Variants in SLIT3 observed in about 807,000 individuals in gnomAD.
The protein encoded by SLIT3 is slit guidance ligand 3.
SLIT3 carries 68 observed loss-of-function variants against 184.0 expected under a neutral mutation model. The ratio of observed to expected loss-of-function variants is 0.37; its 90% confidence interval spans 0.30 to 0.45. SLIT3 has a LOEUF of 0.45. Ranked by LOEUF, SLIT3 falls within the 20% of genes least tolerant of loss-of-function variation. The pLI, the probability that SLIT3 is intolerant of heterozygous loss-of-function variation, is 1.00. For missense variants in SLIT3, 1,707 were observed against 2,026.0 expected (o/e 0.84, Z 3.02); for synonymous variants, 831 against 828.6 (o/e 1.00, Z -0.05).
chr5:168,900,296 C>T (rs889202746), intron 4 of SLIT3, among the ~76,000 whole-genome samples: 3 of 152,056 alleles, frequency 2.0e-5, no homozygotes, highest in African/African-American at 7.2e-5. Context: ...GGTATCTACC[C>T]AAAAGAAAAG....
chr5:169,167,554 G>T (rs931232436), intron 4 of SLIT3, among the ~76,000 whole-genome samples: 1 of 152,002 alleles, frequency 6.6e-6, no homozygotes, highest in Admixed American at 6.6e-5. Context: ...GGGATTACAG[G>T]CTTGAGCCAC....
rs771076228 is a variant in SLIT3 at position 168,685,876 on chromosome 5, T to C, written c.3366A>G (p.Pro1122=). Reference sequence around the variant, plus strand: ...CGTTCTGGCACTCGTACTGGTCGCATGGGCTGGTCTGCAGTAGGACCATGG... The same window carrying C: ...CGTTCTGGCACTCGTACTGGTCGCACGGGCTGGTCTGCAGTAGGACCATGG... The part of the protein sequence containing the change: ...PPPMVLLQTS[P]CDQYECQNGA... Residue 1122 remains proline (P), a synonymous_variant, in exon 31 of 36, where the codon CCA becomes CCG. Coordinates refer to ENST00000519560, the MANE Select transcript of SLIT3 (RefSeq NM_003062.4). 1 of 1,613,668 alleles carries C rather than the reference T, an allele frequency of 6.2e-7. No homozygotes were observed. The highest frequency in any genetic ancestry group is 8.5e-7 in the Non-Finnish European group (1 of 1,179,902).
chr5:168,959,796 G>A (rs1423765080), intron 4 of SLIT3, among the ~76,000 whole-genome samples: 1 of 152,122 alleles, frequency 6.6e-6, no homozygotes, highest in Non-Finnish European at 1.5e-5. Flanking sequence ...AGACATTCAG[G>A]ACCCTGGCTG....
At position 168,751,391 on chromosome 5, in the gene SLIT3, A is replaced by AAC. The variant is rs373569078; in HGVS notation, c.1973+1562_1973+1563dup. Among the ~76,000 whole-genome samples the AAC allele has an allele frequency of 3.0e-3, 458 of 152,318 alleles. 2 individuals carry two copies. The highest frequency in any genetic ancestry group is 0.01 in the African/African-American group (427 of 41,562). ...ATGGAAATACGACGAGCAGCTGTAA[A>AAC]ACACACACGTGTTGAGCACTTTCTA... On this transcript the variant is annotated intron_variant, in intron 18 of 35. Transcript: ENST00000519560.
At chr5:168,938,562 G>T (rs181089400) in intron 4 of SLIT3, among the ~76,000 whole-genome samples, 1 of 152,126 alleles carries the variant, frequency 6.6e-6, no homozygotes, top group African/African-American at 2.4e-5. Flanking sequence ...TAAATTCAGG[G>T]TATTTAGATA....
chr5:169,171,319 T>C (rs1762811391), intron 4 of SLIT3, among the ~76,000 whole-genome samples: 1 of 152,216 alleles, frequency 6.6e-6, no homozygotes, highest in Non-Finnish European at 1.5e-5. Context: ...GCACTGTCTC[T>C]AGACTTGGAT....
intron 12 of SLIT3, among the ~76,000 whole-genome samples, chr5:168,784,887 A>G (rs542131202): frequency 0.013 from 1,927 of 151,230 alleles, 40 homozygotes; most frequent in African/African-American, 0.044. Context: ...ACACACACAC[A>G]CGCACACACA....
At chr5:168,695,933 C>T (rs563373326) in intron 28 of SLIT3, among the ~76,000 whole-genome samples, 9 of 152,298 alleles carry the variant, frequency 5.9e-5, no homozygotes, top group South Asian at 4.1e-4. Flanking sequence ...TTTCAAGAGA[C>T]GGTTGACTAG....
chr5:168,831,390 G>C (rs1378735230), intron 6 of SLIT3, among the ~76,000 whole-genome samples: 1 of 152,106 alleles, frequency 6.6e-6, no homozygotes, highest in Non-Finnish European at 1.5e-5. Context: ...ACTATCCTGG[G>C]TGCTGCATAT....
intron 5 of SLIT3, among the ~76,000 whole-genome samples, chr5:168,874,404 T>C (rs1759655394): frequency 6.6e-6 from 1 of 152,218 alleles, no homozygotes; most frequent in Admixed American, 6.5e-5. Context: ...AAGTCATTTA[T>C]TCCTTCGCTT....
intron 3 of SLIT3, among the ~76,000 whole-genome samples, chr5:169,233,690 T>G (rs1355959356): frequency 6.6e-6 from 1 of 152,168 alleles, no homozygotes; most frequent in East Asian, 1.9e-4. Context: ...TTTATATTTT[T>G]CATGTAATCC....
chr5:168,809,750 T>G (rs895007959), intron 8 of SLIT3, among the ~76,000 whole-genome samples: 1 of 152,138 alleles, frequency 6.6e-6, no homozygotes, highest in African/African-American at 2.4e-5. Context: ...AATGAGAAGA[T>G]AAGTACATAA....
chr5:168,903,134 A>G (rs1314551026), intron 4 of SLIT3, among the ~76,000 whole-genome samples: 1 of 152,218 alleles, frequency 6.6e-6, no homozygotes, highest in African/African-American at 2.4e-5. Flanking sequence ...AAAATAACTG[A>G]TATTTCAGCT....
At chr5:168,871,567 A>G (rs1561979249) in intron 5 of SLIT3, among the ~76,000 whole-genome samples, 2 of 152,148 alleles carry the variant, frequency 1.3e-5, no homozygotes, top group Non-Finnish European at 2.9e-5. Flanking sequence ...ACTCAAAGAA[A>G]TAACAGAAAG....
At chr5:168,683,376 A>C (rs1158191165) in intron 32 of SLIT3, among the ~76,000 whole-genome samples, 1 of 151,700 alleles carries the variant, frequency 6.6e-6, no homozygotes, top group Non-Finnish European at 1.5e-5. Flanking sequence ...TCTCAAAAAA[A>C]AAAAAAAAAG....
At chr5:168,762,237 G>T (rs79334275) in intron 15 of SLIT3, among the ~76,000 whole-genome samples, 6 of 152,106 alleles carry the variant, frequency 3.9e-5, no homozygotes, top group Non-Finnish European at 8.8e-5. Context: ...GCTCCGTAAG[G>T]GTTGGCAGGG....
At chr5:169,169,988 G>A (rs1199288431) in intron 4 of SLIT3, among the ~76,000 whole-genome samples, 1 of 152,212 alleles carries the variant, frequency 6.6e-6, no homozygotes, top group African/African-American at 2.4e-5. Context: ...GTTCAGGAAT[G>A]CCCTTCCTCG....
intron 4 of SLIT3, among the ~76,000 whole-genome samples, chr5:169,010,381 C>T (rs571779081): frequency 1.3e-5 from 2 of 152,166 alleles, no homozygotes; most frequent in Admixed American, 6.5e-5. Flanking sequence ...GGAACTGAAG[C>T]GATTTTGACC....
intron 20 of SLIT3, among the ~76,000 whole-genome samples, chr5:168,740,690 G>C (rs972944910): frequency 6.6e-6 from 1 of 152,194 alleles, no homozygotes; most frequent in African/African-American, 2.4e-5. Context: ...AGTGAGGGCT[G>C]CCTTCCTCGG....
Sources: allele counts gnomAD v4.1 joint callset (sites outside exome capture counted in the v4.1 genomes callset), GRCh38; gene constraint gnomAD v4.1.1; transcripts MANE v1.5; gene names NCBI Gene and HGNC (gene_info 2026-07-23, HGNC 2026-07-21).